Variants in ITGA2B observed in about 807,000 individuals in gnomAD.
ITGA2B encodes the protein integrin subunit alpha 2b.
A neutral mutation model predicts 142.0 loss-of-function variants in ITGA2B; 91 were observed. The observed-to-expected ratio is 0.64, with a 90% CI of 0.54 to 0.76. The LOEUF (loss-of-function observed/expected upper bound fraction) is 0.76. ITGA2B is among the 30% of genes least tolerant of loss of function. The pLI, the probability that ITGA2B is intolerant of heterozygous loss-of-function variation, is 0.00. For synonymous variants in ITGA2B, 536 were observed against 567.2 expected, an observed-to-expected ratio of 0.94 and a Z score of 0.78; for missense variants, 1,231 against 1,350.8, an observed-to-expected ratio of 0.91 and a Z score of 1.39.
In ITGA2B at chr17:44,376,294, C is replaced by T. The variant is rs773087433; in HGVS notation, c.2348+14G>A. The T allele has an allele frequency of 2.5e-6, 4 of 1,614,190 alleles. No individual in the cohort carries two copies. The highest frequency in any genetic ancestry group is 3.4e-6 in the Non-Finnish European group (4 of 1,180,020). ...CCTGAATGCCATCTCCCTTCTCCACCCCTGGCCTCTCACCCTCGCAGCTCC... is the reference window on the plus strand; with the variant it reads ...CCTGAATGCCATCTCCCTTCTCCACTCCTGGCCTCTCACCCTCGCAGCTCC... On this transcript the variant is annotated intron_variant, in intron 23 of 29. Coordinates refer to ENST00000262407, the MANE Select transcript of ITGA2B (RefSeq NM_000419.5).
At chr17:44,375,451 C>T (rs548664416) in intron 26 of ITGA2B, 140 bp downstream of exon 26, 1 of 1,005,974 alleles carries the variant, frequency 9.9e-7, no homozygotes, top group African/African-American at 1.6e-5. Flanking sequence ...CATGCTCCTC[C>T]ATGTTCACTT....
intron 7 of ITGA2B, 142 bp downstream of exon 7, chr17:44,384,806 C>A: frequency 1.4e-6 from 2 of 1,424,152 alleles, no homozygotes; most frequent in African/African-American, 1.4e-5. Flanking sequence ...GCGGGGAAGC[C>A]GCAGGAGCGG....
chr17:44,387,826 C>CAAAAAAAAA (rs980395817), intron 1 of ITGA2B, among the ~76,000 whole-genome samples: 20 of 24,518 alleles, frequency 8.2e-4, no homozygotes, highest in Non-Finnish European at 9.4e-4. Context: ...AACCCCATCT[C>CAAAAAAAAA]AAAAAAAAAA....
chr17:44,388,342 ATTTCC>A (rs2048667628), intron 1 of ITGA2B, among the ~76,000 whole-genome samples: 3 of 141,342 alleles, frequency 2.1e-5, no homozygotes, highest in Admixed American at 7.2e-5. Context: ...TCCTCTCCAC[ATTTCC>A]TTTCTTTTTT....
In ITGA2B at chr17:44,385,974, C is replaced by T. The variant is rs769661754; in HGVS notation, c.310+36G>A. ...CTGAAGCCCGGCAGTCCACGTCCCT[C>T]TGACCCCAACCTTGCTCTCCTTGCC... On this transcript the variant is annotated intron_variant, in intron 2 of 29. Coordinates refer to ENST00000262407, the MANE Select transcript of ITGA2B (RefSeq NM_000419.5). 20 of 1,614,062 alleles carry T rather than the reference C, an allele frequency of 1.2e-5. No individual in the cohort carries two copies. The East Asian group carries it at 4.5e-4, about 36-fold the overall frequency.
intron 27 of ITGA2B, 27 bp downstream of exon 27, chr17:44,374,971 G>T: frequency 6.7e-7 from 1 of 1,489,364 alleles, no homozygotes; most frequent in Non-Finnish European, 9.1e-7. Context: ...AGAAGGCCCG[G>T]CCCCGCCCCA....
intron 4 of ITGA2B, 90 bp downstream of exon 4, chr17:44,385,461 A>G: frequency 6.6e-7 from 1 of 1,504,892 alleles, no homozygotes; most frequent in Non-Finnish European, 8.9e-7. Context: ...CCAGATCCAA[A>G]GCAAGGGCTG....
Position 44,374,770 on chromosome 17 carries a change from T to C in ITGA2B, c.2842-10A>G, listed in dbSNP as rs1206704351. The C allele has an allele frequency of 6.2e-7, 1 of 1,612,480 alleles. No homozygotes were observed. The highest frequency in any genetic ancestry group is 8.5e-7 in the Non-Finnish European group (1 of 1,178,882). On this transcript the variant is annotated splice_polypyrimidine_tract_variant and intron_variant, in intron 27 of 29. Coordinates refer to ENST00000262407, the MANE Select transcript of ITGA2B (RefSeq NM_000419.5). ...ACTGATCCAGAGGCCTCTGGACAGG[T>C]TGGGGTTGAAAGCCGTTTACACCCA...
chr17:44,380,228 C>A lies in ITGA2B; in HGVS notation c.1600+18G>T, dbSNP rs1287304897. The A allele has an allele frequency of 1.2e-6, 2 of 1,614,058 alleles. No individual in the cohort carries two copies. Among genetic ancestry groups the A allele is most frequent in the Non-Finnish European group, 1.7e-6 (2 of 1,180,048 alleles). Reference sequence around the variant, plus strand: ...GAGTCCAAGCCCACCTCCCTCCTGCCCCCTTCATGCCACTCACATAGCTTC... The same window carrying A: ...GAGTCCAAGCCCACCTCCCTCCTGCACCCTTCATGCCACTCACATAGCTTC... On this transcript the variant is annotated intron_variant, in intron 16 of 29. Coordinates refer to ENST00000262407, the MANE Select transcript of ITGA2B (RefSeq NM_000419.5).
Position 44,385,014 on chromosome 17 carries a change from A to G in ITGA2B, c.733T>C (p.Trp245Arg), listed in dbSNP as rs745448382. 5 of 1,614,126 alleles carry G rather than the reference A, an allele frequency of 3.1e-6. No individual in the cohort carries two copies. In the South Asian group the frequency reaches 3.3e-5, roughly 11 times the overall value. ...GAGAGGCTCTGGGAGGACACGTGCC[A>G]CAAAAGGATGCCTGGGCGGTAACTC... ...FSSYRPGILL[W>R]HVSSQSLSFD... The change falls in exon 7 of 30, where the codon TGG becomes CGG. Residue 245 changes from tryptophan to arginine, a missense_variant. Transcript: ENST00000262407.
chr17:44,376,611 T>C (rs1023748821), intron 22 of ITGA2B, among the ~76,000 whole-genome samples: 3 of 152,084 alleles, frequency 2.0e-5, no homozygotes, highest in Non-Finnish European at 2.9e-5. Context: ...CTTTTTTTTT[T>C]TCTTTTGAGA....
In ITGA2B at chr17:44,375,913, A is replaced by G. The variant is rs1555613388; in HGVS notation, c.2521T>C (p.Ser841Pro). Residue 841 changes from serine (S) to proline (P), a missense_variant, in exon 25 of 30, where the codon TCC becomes CCC. Coordinates refer to ENST00000262407, the MANE Select transcript of ITGA2B (RefSeq NM_000419.5). Reference protein sequence around the residue: ...SIHLPGQSQPSDLLYILDIQP... With the variant: ...SIHLPGQSQPPDLLYILDIQP... ...ATATCCAGGATGTAGAGCAGGTCGG[A>G]GGGCTGGGACTGTCCCGGAAGGTGG... The G allele has an allele frequency of 1.2e-6, 2 of 1,613,230 alleles. No homozygotes were observed.
rs13306473 is a variant in ITGA2B, at chr17:44,378,412, C to A, written c.2044G>T (p.Val682Leu). Residue 682 changes from valine to leucine, a missense_variant, in exon 20 of 30, where the codon GTG becomes TTG. Physicochemically the swap from Val to Leu is conservative, Grantham distance 32. Coordinates refer to ENST00000262407, the MANE Select transcript of ITGA2B (RefSeq NM_000419.5). ...TAGTGGGCGCCCTGGGGCAGGTGCA[C>A]GGCCAGCTCTGCTTCATAGGCCCCC... ...GEGAYEAELA[V>L]HLPQGAHYMR... 1.2e-6 allele frequency: 2 copies of A among 1,613,304 alleles called. No homozygotes were observed. Among genetic ancestry groups the A allele is most frequent in the South Asian group, 2.2e-5 (2 of 90,902 alleles).
rs2048503142 is a variant in ITGA2B at position 44,372,227 on chromosome 17, G to A, written c.*137C>T. On this transcript the variant is annotated 3_prime_UTR_variant, in exon 30 of 30. Coordinates refer to ENST00000262407, the MANE Select transcript of ITGA2B (RefSeq NM_000419.5). ...AGGCAGCAGGAGGGGGGGTAGCCCA[G>A]CTCTGTTGGGAGGGAAACGACACCA... The A allele has an allele frequency of 3.6e-6, 3 of 822,468 alleles. No individual in the cohort carries two copies. The East Asian group carries it at 7.9e-5, about 22-fold the overall frequency. 50.9% of individuals were successfully genotyped at this position (822,468 alleles called of 1,614,324 possible).
chr17:44,380,826 G>T, intron 13 of ITGA2B, 53 bp downstream of exon 13: 2 of 1,606,176 alleles, frequency 1.2e-6, no homozygotes, highest in East Asian at 2.2e-5. Context: ...CACTTCCAGC[G>T]AATGTCCAAG....
chr17:44,380,594 G>A lies in ITGA2B; in HGVS notation c.1439+6C>T. ...TCCCCATCCCGCCCCTGGAGCCAGT[G>A]CTCACCTGTACACAGCCACCTGGTT... On this transcript the variant is annotated splice_donor_region_variant and intron_variant, in intron 14 of 29. Coordinates refer to ENST00000262407, the MANE Select transcript of ITGA2B (RefSeq NM_000419.5). 2.5e-6 allele frequency: 4 copies of A among 1,614,194 alleles called. No homozygotes were observed. Among genetic ancestry groups the A allele is most frequent in the African/African-American group, 1.3e-5 (1 of 75,038 alleles).
intron 18 of ITGA2B, among the ~76,000 whole-genome samples, chr17:44,379,221 T>C (rs1479489549): frequency 1.3e-5 from 2 of 150,444 alleles, no homozygotes; most frequent in African/African-American, 4.9e-5. Flanking sequence ...CCCAAAGTGC[T>C]GGGATTACAG....
intron 12 of ITGA2B, 85 bp downstream of exon 12, chr17:44,383,408 G>C: frequency 7.7e-7 from 1 of 1,302,606 alleles, no homozygotes. Flanking sequence ...ACCCATCCTG[G>C]TTCTGGCTGC....
intron 12 of ITGA2B, among the ~76,000 whole-genome samples, chr17:44,381,465 G>T (rs1029500183): frequency 6.6e-6 from 1 of 151,938 alleles, no homozygotes; most frequent in African/African-American, 2.4e-5. Context: ...CAGTAGCTGG[G>T]ATTACAGGCG....
Sources: gnomAD v4.1 joint callset for allele counts (sites outside exome capture counted in the v4.1 genomes callset) on GRCh38, gnomAD v4.1.1 for gene constraint, MANE v1.5 for transcripts, NCBI Gene and HGNC (gene_info 2026-07-23, HGNC 2026-07-21) for gene names.